Variants in MSI2 observed in about 807,000 individuals in gnomAD.
MSI2 encodes the protein RNA-binding protein Musashi homolog 2.
In MSI2, 17 loss-of-function variants were observed where a neutral mutation model predicts 45.6. That is an observed-to-expected ratio of 0.37 (90% CI 0.26 to 0.56). The LOEUF is 0.56. Ranked by LOEUF, MSI2 falls within the 20% of genes least tolerant of loss-of-function variation. The probability of loss-of-function intolerance (pLI) is 0.77; values close to 1 mark genes in which losing one functional copy is unlikely to be tolerated. For synonymous variants in MSI2, 156 were observed against 158.2 expected (o/e 0.99, Z 0.11); for missense variants, 293 against 444.2 (o/e 0.66, Z 3.06).
Position 57,529,662 on chromosome 17 carries a change from T to C in MSI2, c.406-14T>C. On this transcript the variant is annotated splice_polypyrimidine_tract_variant and intron_variant, in intron 6 of 13. Coordinates refer to ENST00000284073, the MANE Select transcript of MSI2 (RefSeq NM_138962.4). This position sits in a 1 kb window ranked among gnomAD's most constrained non-coding sequence, Gnocchi z 5.3. ...AATTCCTAAGGCAGCCTGTATTCTA[T>C]ATTTGTTTTGCAGGTGGAAGATGCA... is the stretch of plus-strand genomic sequence containing the variant. 12 of 1,612,336 alleles carry C rather than the reference T, an allele frequency of 7.4e-6. No individual in the cohort carries two copies. Among genetic ancestry groups the C allele is most frequent in the Non-Finnish European group, 1.0e-5 (12 of 1,179,234 alleles).
At chr17:57,384,540 C>T (rs549458091) in intron 5 of MSI2, among the ~76,000 whole-genome samples, 1 of 152,274 alleles carries the variant, frequency 6.6e-6, no homozygotes, top group African/African-American at 2.4e-5. Flanking sequence ...CATGTTCATC[C>T]CTTCTTCTGT....
In MSI2 at chr17:57,684,370, A is replaced by G. The variant is rs2144776383; in HGVS notation, c.*4853A>G. On this transcript the variant is annotated 3_prime_UTR_variant, in exon 14 of 14. Transcript: ENST00000284073. ...TAGCACTGTGGCTGACCTCACCCTT[A>G]CTTTTATACTTTAGTATGAAACTGA... is the stretch of plus-strand genomic sequence containing the variant. 1 of 183,254 alleles carries G rather than the reference A, an allele frequency of 5.5e-6. No individual in the cohort carries two copies. The highest frequency in any genetic ancestry group is 1.2e-5 in the Non-Finnish European group (1 of 86,156). The allele number at this position is 183,254 out of a possible 1,614,324, so 11.4% of individuals were successfully genotyped here. A position where few individuals can be genotyped will look rare whatever the true frequency, so the allele number is the denominator to read the frequency against.
intron 6 of MSI2, among the ~76,000 whole-genome samples, chr17:57,513,181 T>G (rs1273714954): frequency 6.6e-6 from 1 of 151,834 alleles, no homozygotes; most frequent in East Asian, 1.9e-4. Flanking sequence ...ACCGTGTTGG[T>G]TAGGCTGGTC....
chr17:57,505,591 T>A (rs960832909), intron 6 of MSI2, among the ~76,000 whole-genome samples: 1 of 152,140 alleles, frequency 6.6e-6, no homozygotes, highest in Non-Finnish European at 1.5e-5. Context: ...CTCACCAGAG[T>A]TGCTTAAGCA....
chr17:57,594,374 G>C (rs1905096027), intron 7 of MSI2, among the ~76,000 whole-genome samples: 1 of 152,170 alleles, frequency 6.6e-6, no homozygotes. Flanking sequence ...AGTGCTCCAG[G>C]GGTCCTTGAC....
chr17:57,335,716 C>T (rs1014643213), intron 5 of MSI2, among the ~76,000 whole-genome samples: 4 of 152,194 alleles, frequency 2.6e-5, no homozygotes, highest in African/African-American at 9.7e-5. Context: ...GGCATGGAGA[C>T]TGAAACGGGG....
chr17:57,513,774 G>A (rs2086409553), intron 6 of MSI2, among the ~76,000 whole-genome samples: 1 of 151,988 alleles, frequency 6.6e-6, no homozygotes, highest in African/African-American at 2.4e-5. Flanking sequence ...TTTCTTGAGT[G>A]CCACATAGTT....
intron 7 of MSI2, among the ~76,000 whole-genome samples, chr17:57,589,840 A>G (rs1006770670): frequency 6.6e-6 from 1 of 152,228 alleles, no homozygotes; most frequent in Non-Finnish European, 1.5e-5. Context: ...TGAACTGTGC[A>G]GAGCACTTGA....
intron 4 of MSI2, among the ~76,000 whole-genome samples, chr17:57,259,382 A>G (rs1244550448): frequency 6.6e-6 from 1 of 152,168 alleles, no homozygotes; most frequent in Non-Finnish European, 1.5e-5. Context: ...CTGGGTCTCA[A>G]TTTCCTCTTC....
intron 5 of MSI2, among the ~76,000 whole-genome samples, chr17:57,352,620 C>T (rs1324571439): frequency 1.3e-5 from 2 of 152,140 alleles, no homozygotes; most frequent in Non-Finnish European, 2.9e-5. Flanking sequence ...TGTTGAGGGA[C>T]CCTGGAAGAA....
intron 5 of MSI2, among the ~76,000 whole-genome samples, chr17:57,354,389 G>A (rs1331860766): frequency 6.6e-6 from 1 of 152,166 alleles, no homozygotes; most frequent in Non-Finnish European, 1.5e-5. Context: ...TTAATAAATA[G>A]TGGTAGAGAG....
intron 7 of MSI2, among the ~76,000 whole-genome samples, chr17:57,572,770 C>T (rs1039068402): frequency 6.6e-6 from 1 of 152,238 alleles, no homozygotes; most frequent in Non-Finnish European, 1.5e-5. Flanking sequence ...GACCTCCATT[C>T]GTCAGCACGG....
At chr17:57,548,288 G>T (rs1297725484) in intron 7 of MSI2, among the ~76,000 whole-genome samples, 1 of 152,064 alleles carries the variant, frequency 6.6e-6, no homozygotes, top group Non-Finnish European at 1.5e-5. Context: ...CAGATCATAG[G>T]TGGGCCTCCC....
At chr17:57,358,768 T>C (rs1189446837) in intron 5 of MSI2, among the ~76,000 whole-genome samples, 1 of 152,156 alleles carries the variant, frequency 6.6e-6, no homozygotes, top group Non-Finnish European at 1.5e-5. Context: ...CTAACAGTTT[T>C]ATAGAAGTGT....
intron 6 of MSI2, among the ~76,000 whole-genome samples, chr17:57,443,178 G>T (rs2084831827): frequency 6.6e-6 from 1 of 152,200 alleles, no homozygotes; most frequent in Admixed American, 6.5e-5. Context: ...TTGGCTTCAG[G>T]TGACTTTGTG....
At chr17:57,700,431 AG>A in the MSI2 span, among the ~76,000 whole-genome samples, 1 of 152,368 alleles carries the variant, frequency 6.6e-6, no homozygotes, top group African/African-American at 2.4e-5. Flanking sequence ...ATATTGAAGA[AG>A]CATAAAAGTG....
downstream of MSI2, among the ~76,000 whole-genome samples, chr17:57,685,776 C>A (rs1267741370): frequency 6.6e-6 from 1 of 152,162 alleles, no homozygotes; most frequent in African/African-American, 2.4e-5. Flanking sequence ...GAGTATAATC[C>A]CTGCTGCCCC....
At chr17:57,613,668 A>G (rs1907394751) in intron 8 of MSI2, among the ~76,000 whole-genome samples, 1 of 152,164 alleles carries the variant, frequency 6.6e-6, no homozygotes, top group African/African-American at 2.4e-5. Context: ...TGCTTTCATC[A>G]CTGTCAATCT....
At chr17:57,277,643 A>G (rs1313201814) in intron 5 of MSI2, among the ~76,000 whole-genome samples, 1 of 152,166 alleles carries the variant, frequency 6.6e-6, no homozygotes, top group East Asian at 1.9e-4. Flanking sequence ...TTCTGGCATA[A>G]TAGTTTCCTA....
Sources: gnomAD v4.1 joint callset for allele counts (sites outside exome capture counted in the v4.1 genomes callset) on GRCh38, gnomAD v4.1.1 for gene constraint, Gnocchi (gnomAD v3.1) non-coding constraint, MANE v1.5 for transcripts, NCBI Gene and HGNC (gene_info 2026-07-23, HGNC 2026-07-21) for gene names.